MBOAT2: variants seen among roughly 807,000 people sequenced by gnomAD.
MBOAT2 encodes membrane bound glycerophospholipid O-acyltransferase 2, also known as membrane-bound glycerophospholipid O-acyltransferase 2.
MBOAT2 carries 28 observed loss-of-function variants against 63.4 expected under a neutral mutation model. The ratio of observed to expected loss-of-function variants is 0.44; its 90% CI spans 0.33 to 0.61. MBOAT2 has a LOEUF of 0.61. Ranked by LOEUF, MBOAT2 falls within the 20% of genes least tolerant of loss-of-function variation. The pLI is 0.03. For missense variants in MBOAT2, 470 were observed against 605.8 expected, an observed-to-expected ratio of 0.78 and a Z score of 2.35; for synonymous variants, 211 against 215.6, an observed-to-expected ratio of 0.98 and a Z score of 0.19.
intron 8 of MBOAT2, among the ~76,000 whole-genome samples, chr2:8,871,459 C>A (rs761475254): frequency 6.6e-6 from 1 of 152,094 alleles, no homozygotes; most frequent in South Asian, 2.1e-4. Context: ...ATGAATCTAG[C>A]GATTCAACCA....
intron 2 of MBOAT2, among the ~76,000 whole-genome samples, chr2:8,947,712 C>T (rs1486417156): frequency 6.6e-6 from 1 of 152,132 alleles, no homozygotes; most frequent in Non-Finnish European, 1.5e-5. Flanking sequence ...TATTATAAGC[C>T]CCTTGTCGAG....
intron 4 of MBOAT2, among the ~76,000 whole-genome samples, chr2:8,898,654 T>G (rs1664673008): frequency 6.6e-6 from 1 of 152,204 alleles, no homozygotes; most frequent in Non-Finnish European, 1.5e-5. Flanking sequence ...GCCTAGATCT[T>G]GGGCCAGTGC....
intron 3 of MBOAT2, among the ~76,000 whole-genome samples, chr2:8,920,080 T>C (rs1318913185): frequency 6.6e-6 from 1 of 152,188 alleles, no homozygotes; most frequent in Non-Finnish European, 1.5e-5. Flanking sequence ...TTTTTCTTTA[T>C]GGGCAATTAT....
chr2:8,893,671 T>A (rs922476702), intron 4 of MBOAT2, among the ~76,000 whole-genome samples: 2 of 152,082 alleles, frequency 1.3e-5, no homozygotes, highest in African/African-American at 4.8e-5. Flanking sequence ...GAACAGGAAA[T>A]GAAAGGTATG....
intron 3 of MBOAT2, among the ~76,000 whole-genome samples, chr2:8,938,307 A>G (rs899381487): frequency 2.0e-5 from 3 of 152,114 alleles, no homozygotes; most frequent in African/African-American, 7.2e-5. Context: ...TGGCTGGGAA[A>G]GCATGCCTTG....
chr2:8,951,449 C>A (rs1327286903), intron 2 of MBOAT2, among the ~76,000 whole-genome samples: 1 of 152,154 alleles, frequency 6.6e-6, no homozygotes, highest in Non-Finnish European at 1.5e-5. Context: ...AGGTAATATA[C>A]CCACCTTGGC....
At chr2:8,967,241 A>AC (rs1156650734) in intron 1 of MBOAT2, among the ~76,000 whole-genome samples, 14 of 152,190 alleles carry the variant, frequency 9.2e-5, no homozygotes, top group African/African-American at 3.4e-4. Flanking sequence ...ACAACAAGGG[A>AC]TTTTGTGGGC....
intron 3 of MBOAT2, among the ~76,000 whole-genome samples, chr2:8,934,031 C>T (rs1235085019): frequency 1.3e-5 from 2 of 152,166 alleles, no homozygotes; most frequent in Non-Finnish European, 2.9e-5. Flanking sequence ...CACACCCTTT[C>T]CTGAGTGCAG....
chr2:8,898,699 G>T (rs1011255626), intron 4 of MBOAT2, among the ~76,000 whole-genome samples: 2 of 151,788 alleles, frequency 1.3e-5, no homozygotes, highest in Non-Finnish European at 2.9e-5. Context: ...CCTAAACCCT[G>T]GGGGCAAGAC....
chr2:8,995,843 G>A lies in MBOAT2; in HGVS notation c.75+7697C>T, dbSNP rs570309512. Among the ~76,000 whole-genome samples the A allele has an allele frequency of 1.5e-3, 234 of 152,180 alleles. 1 individual carries two copies. The highest frequency in any genetic ancestry group is 2.6e-3 in the Non-Finnish European group (180 of 68,012). On this transcript the variant is annotated intron_variant, in intron 1 of 12. Coordinates refer to ENST00000305997, the MANE Select transcript of MBOAT2 (RefSeq NM_138799.4). ...CCTGACCTTGTGATCCGCCCGCCTC[G>A]GCCTCCCAAAGTGCTGGGATTACAG... is the stretch of plus-strand genomic sequence containing the variant.
chr2:8,950,045 G>C (rs1668717039), intron 2 of MBOAT2, among the ~76,000 whole-genome samples: 1 of 152,094 alleles, frequency 6.6e-6, no homozygotes, highest in African/African-American at 2.4e-5. Context: ...TCCCTAGTTA[G>C]ATGTATTCCT....
intron 12 of MBOAT2, 62 bp downstream of exon 12, chr2:8,860,551 A>G: frequency 6.5e-7 from 1 of 1,534,540 alleles, no homozygotes; most frequent in South Asian, 1.2e-5. Context: ...ATCCAATAGC[A>G]AGAAACTTTC....
intron 4 of MBOAT2, among the ~76,000 whole-genome samples, chr2:8,901,464 C>T (rs528241295): frequency 3.9e-5 from 6 of 152,220 alleles, no homozygotes; most frequent in African/African-American, 1.4e-4. Flanking sequence ...TGTTAGAGTC[C>T]TAAGCATTCT....
intron 2 of MBOAT2, among the ~76,000 whole-genome samples, chr2:8,943,604 T>C (rs1293890283): frequency 2.0e-5 from 3 of 152,196 alleles, no homozygotes; most frequent in South Asian, 4.1e-4. Context: ...GTAATTAATA[T>C]GAATTTCAGG....
intron 1 of MBOAT2, among the ~76,000 whole-genome samples, chr2:8,980,001 T>C (rs1389373165): frequency 6.6e-6 from 1 of 152,086 alleles, no homozygotes; most frequent in Non-Finnish European, 1.5e-5. Flanking sequence ...AAGGTGAATG[T>C]TAAATAGCCC....
At chr2:8,867,177 C>CA (rs1661960328) in intron 9 of MBOAT2, among the ~76,000 whole-genome samples, 1 of 152,082 alleles carries the variant, frequency 6.6e-6, no homozygotes. Flanking sequence ...CTACCATGCC[C>CA]AGCTAGTTTT....
chr2:8,967,814 T>C (rs555267420), intron 1 of MBOAT2, among the ~76,000 whole-genome samples: 2 of 151,348 alleles, frequency 1.3e-5, no homozygotes, highest in African/African-American at 4.9e-5. Flanking sequence ...TTGGAAACAA[T>C]AAAAAAAATT....
intron 7 of MBOAT2, 53 bp from the exon 8 acceptor site, chr2:8,873,353 C>T: frequency 6.5e-7 from 1 of 1,545,494 alleles, no homozygotes; most frequent in East Asian, 2.3e-5. Context: ...CCTTTTAATT[C>T]ATTCTATGTA....
chr2:8,926,936 T>A (rs113176335), intron 3 of MBOAT2, among the ~76,000 whole-genome samples: 246 of 152,330 alleles, frequency 1.6e-3, no homozygotes, highest in Middle Eastern at 3.4e-3. Flanking sequence ...CTGCTCTAAA[T>A]GCTTTACAAA....
Sources: allele counts gnomAD v4.1 joint callset (sites outside exome capture counted in the v4.1 genomes callset), GRCh38; gene constraint gnomAD v4.1.1; transcripts MANE v1.5; gene names NCBI Gene and HGNC (gene_info 2026-07-23, HGNC 2026-07-21).